DTHD1: variants seen among roughly 807,000 people sequenced by gnomAD.
DTHD1 encodes death domain containing 1.
DTHD1 carries 59 observed loss-of-function variants against 74.8 expected under a neutral mutation model. That is an observed-to-expected ratio of 0.79 (90% CI 0.64 to 0.98). The LOEUF is 0.98. Ranked by LOEUF, DTHD1 falls within the 50% of genes least tolerant of loss-of-function variation. The pLI is 0.00. For synonymous variants in DTHD1, 365 were observed against 371.1 expected, an observed-to-expected ratio of 0.98 and a Z score of 0.19; for missense variants, 1,051 against 1,065.4, an observed-to-expected ratio of 0.99 and a Z score of 0.19.
chr4:36,303,616 T>C (rs1432875379), intron 5 of DTHD1, among the ~76,000 whole-genome samples: 1 of 152,152 alleles, frequency 6.6e-6, no homozygotes, highest in Non-Finnish European at 1.5e-5. Context: ...AAGAGGAAGC[T>C]TTTTCCCTAT....
At chr4:36,338,258 C>T (rs1759121317) in intron 8 of DTHD1, among the ~76,000 whole-genome samples, 1 of 152,172 alleles carries the variant, frequency 6.6e-6, no homozygotes, top group African/African-American at 2.4e-5. Flanking sequence ...TAGCATCATG[C>T]TCTGAGGCCC....
intron 8 of DTHD1, among the ~76,000 whole-genome samples, chr4:36,327,241 A>T (rs1758407014): frequency 6.6e-6 from 1 of 152,190 alleles, no homozygotes. Flanking sequence ...TGCGGGGATT[A>T]CAGGTGTGAG....
intron 3 of DTHD1, among the ~76,000 whole-genome samples, chr4:36,291,247 T>C (rs1756059771): frequency 2.0e-5 from 3 of 152,314 alleles, no homozygotes; most frequent in South Asian, 4.1e-4. Context: ...CTGGTTAGGT[T>C]TGAAATACGG....
intron 9 of DTHD1, 105 bp downstream of exon 9, chr4:36,339,274 A>C (rs1176729573): frequency 1.1e-5 from 8 of 752,764 alleles, no homozygotes; most frequent in Non-Finnish European, 1.6e-5. Context: ...GTGACTTTCC[A>C]ATCAAACAAT....
intron 8 of DTHD1, among the ~76,000 whole-genome samples, chr4:36,318,621 T>TC (rs1757871838): frequency 6.9e-6 from 1 of 143,970 alleles, no homozygotes; most frequent in South Asian, 2.2e-4. Flanking sequence ...TCTTTTTTTT[T>TC]TTTTTTTTTT....
intron 7 of DTHD1, among the ~76,000 whole-genome samples, chr4:36,314,747 G>GGT (rs1757610034): frequency 1.0e-5 from 1 of 98,042 alleles, no homozygotes; most frequent in East Asian, 3.0e-4. Context: ...AACAATCTGA[G>GGT]TTTTTTTTTT....
chr4:36,293,987 T>C (rs1424247410), intron 4 of DTHD1, among the ~76,000 whole-genome samples: 2 of 152,160 alleles, frequency 1.3e-5, no homozygotes, highest in East Asian at 1.9e-4. Flanking sequence ...AAAATTTATG[T>C]TGCATGGCTA....
At chr4:36,307,718 C>A (rs1353641965) in intron 6 of DTHD1, among the ~76,000 whole-genome samples, 1 of 152,194 alleles carries the variant, frequency 6.6e-6, no homozygotes, top group Non-Finnish European at 1.5e-5. Context: ...TTGTGCTCAT[C>A]TTTCTCTTCT....
Position 36,346,604 on chromosome 4 carries a change from T to C in DTHD1, c.*2780T>C, listed in dbSNP as rs535532935. Among the ~76,000 whole-genome samples, 1 of 152,192 alleles carries C rather than the reference T, an allele frequency of 6.6e-6. No homozygotes were observed. Among genetic ancestry groups the C allele is most frequent in the South Asian group, 2.1e-4 (1 of 4,820 alleles). ...TGCCCCTGAACACCCTCAGTATTGATAGACACACCCATACCTTTGCATACC... is the reference window on the plus strand; with the variant it reads ...TGCCCCTGAACACCCTCAGTATTGACAGACACACCCATACCTTTGCATACC... On this transcript the variant is annotated 3_prime_UTR_variant, in exon 10 of 10. Transcript: ENST00000639862.
chr4:36,283,961 T>C lies in DTHD1; in HGVS notation c.272-15T>C, dbSNP rs1408570244. On this transcript the variant is annotated splice_polypyrimidine_tract_variant and intron_variant, in intron 1 of 9. Transcript: ENST00000639862. ...TTTGTATTTATTCTTTGTGTGTCCA[T>C]GTATGTGTGTGTAGAAATCATTACT... 10 of 1,481,664 alleles carry C rather than the reference T, an allele frequency of 6.7e-6. No homozygotes were observed. In the South Asian group the frequency reaches 7.3e-5, roughly 11 times the overall value. The allele number at this position is 1,481,664 out of a possible 1,614,324, so 91.8% of individuals were successfully genotyped here. A position where few individuals can be genotyped will look rare whatever the true frequency, so the allele number is the denominator to read the frequency against.
intron 8 of DTHD1, among the ~76,000 whole-genome samples, chr4:36,328,570 A>G (rs778526973): frequency 1.7e-4 from 26 of 152,190 alleles, no homozygotes; most frequent in Non-Finnish European, 2.9e-4. Flanking sequence ...ATGAACCTAC[A>G]TGGACACACC....
rs1356400971 is a variant in DTHD1, at chr4:36,308,210, T to G, written c.1812T>G (p.Ile604Met). Residue 604 changes from isoleucine to methionine, a missense_variant, in exon 7 of 10, where the codon ATT (isoleucine) becomes ATG (methionine). Ile to Met is a conservative substitution (Grantham distance 10). Transcript: ENST00000639862. ...VELYEHLERFIVLHLSSTMDN... is the reference protein window; with the variant it reads ...VELYEHLERFMVLHLSSTMDN... ...ACCTCTTTCTTCCATGCAGGTTTAT[T>G]GTACTTCACCTCTCTTCCACCATGG... The G allele has an allele frequency of 6.4e-7, 1 of 1,552,098 alleles. No homozygotes were observed. Among genetic ancestry groups the G allele is most frequent in the South Asian group, 1.2e-5 (1 of 84,034 alleles).
chr4:36,343,423 TA>T, intron 9 of DTHD1, 78 bp from the exon 10 acceptor site: 3 of 1,335,754 alleles, frequency 2.2e-6, no homozygotes, highest in South Asian at 3.0e-5. Flanking sequence ...AGACTTCCTA[TA>T]AACAGGTGTG....
At chr4:36,302,514 G>A (rs1351579124) in intron 5 of DTHD1, among the ~76,000 whole-genome samples, 1 of 152,134 alleles carries the variant, frequency 6.6e-6, no homozygotes, top group Non-Finnish European at 1.5e-5. Flanking sequence ...TTAAGGTACA[G>A]AGTTTGTCAT....
chr4:36,289,789 GA>G (rs775361273), intron 2 of DTHD1, among the ~76,000 whole-genome samples: 2 of 151,978 alleles, frequency 1.3e-5, no homozygotes, highest in Non-Finnish European at 2.9e-5. Flanking sequence ...ATTTTGGATT[GA>G]TTTTTTTGGG....
At chr4:36,302,221 G>C (rs565903677) in intron 5 of DTHD1, among the ~76,000 whole-genome samples, 25 of 152,278 alleles carry the variant, frequency 1.6e-4, no homozygotes, top group Middle Eastern at 3.4e-3. Flanking sequence ...AGATCATGGG[G>C]GATCTTCCGT....
At chr4:36,341,572 T>C (rs939532176) in intron 9 of DTHD1, among the ~76,000 whole-genome samples, 3 of 152,170 alleles carry the variant, frequency 2.0e-5, no homozygotes, top group African/African-American at 7.2e-5. Context: ...ATATTTTTAA[T>C]GGATTTTCAA....
intron 8 of DTHD1, among the ~76,000 whole-genome samples, chr4:36,318,605 T>C (rs991894598): frequency 7.3e-5 from 9 of 124,000 alleles, no homozygotes. Flanking sequence ...CATTTTCTTT[T>C]TCTTTTCTTT....
intron 2 of DTHD1, among the ~76,000 whole-genome samples, chr4:36,286,020 A>T (rs574368648): frequency 3.1e-4 from 47 of 152,186 alleles, no homozygotes; most frequent in South Asian, 6.2e-4. Context: ...GATCTTAGGC[A>T]AGTCATTTTG....
Sources: gnomAD v4.1 joint callset for allele counts (sites outside exome capture counted in the v4.1 genomes callset) on GRCh38, gnomAD v4.1.1 for gene constraint, MANE v1.5 for transcripts, NCBI Gene and HGNC (gene_info 2026-07-23, HGNC 2026-07-21) for gene names.